The following EBF3 variants were observed in gnomAD, a reference collection of about 807,000 sequenced individuals.
EBF3 encodes the protein transcription factor COE3.
In EBF3, 18 loss-of-function variants were observed where a neutral mutation model predicts 77.1. The ratio of observed to expected loss-of-function variants is 0.23; its 90% CI spans 0.16 to 0.35. EBF3 has a LOEUF of 0.35. Ranked by LOEUF, EBF3 falls within the 10% of genes least tolerant of loss-of-function variation. The pLI is 1.00. For synonymous variants in EBF3, 350 were observed against 343.5 expected (o/e 1.02, Z -0.21); for missense variants, 558 against 860.0 (o/e 0.65, Z 4.39).
At chr10:129,902,155 G>A (rs180906732) in intron 6 of EBF3, among the ~76,000 whole-genome samples, 1 of 151,874 alleles carries the variant, frequency 6.6e-6, no homozygotes, top group Admixed American at 6.6e-5. Flanking sequence ...GCCACACTTA[G>A]TTCCCCACCA....
At position 129,885,985 on chromosome 10, in the gene EBF3, G is replaced by T. The variant is rs1853549829; in HGVS notation, c.555-8136C>A. The stretch of plus-strand genomic sequence containing the variant: ...ATCCTGATTCCTGATGGCTGGGGAG[G>T]TCATTCTCAAAATAAATGTGGGTGA... On this transcript the variant is annotated intron_variant, in intron 6 of 16. Transcript: ENST00000440978. This position sits in a 1 kb window ranked among gnomAD's most constrained non-coding sequence, Gnocchi z 4.0. Among the ~76,000 whole-genome samples, 1 of 151,602 alleles carries T rather than the reference G, an allele frequency of 6.6e-6. No homozygotes were observed. The highest frequency in any genetic ancestry group is 1.5e-5 in the Non-Finnish European group (1 of 67,944).
intron 11 of EBF3, among the ~76,000 whole-genome samples, chr10:129,844,034 C>G (rs1850280256): frequency 6.6e-6 from 1 of 152,194 alleles, no homozygotes. Context: ...CGGAGCTGAG[C>G]TTTTTAATAA....
chr10:129,856,993 C>T (rs1279128664), intron 10 of EBF3, among the ~76,000 whole-genome samples: 1 of 152,170 alleles, frequency 6.6e-6, no homozygotes, highest in Non-Finnish European at 1.5e-5. Context: ...AAGCACAGGG[C>T]TCCGCACAGG....
intron 6 of EBF3, among the ~76,000 whole-genome samples, chr10:129,933,551 C>T (rs180906272): frequency 3.9e-5 from 6 of 152,216 alleles, no homozygotes; most frequent in African/African-American, 7.2e-5. Flanking sequence ...CCTCGGAAGC[C>T]GCTGAGGCTC....
intron 5 of EBF3, among the ~76,000 whole-genome samples, 165 bp downstream of exon 5, chr10:129,958,769 C>T (rs1273505784): frequency 1.3e-5 from 2 of 152,150 alleles, no homozygotes; most frequent in Non-Finnish European, 2.9e-5. Flanking sequence ...GGGGAAGGAG[C>T]GCGGGCTCCT....
intron 7 of EBF3, among the ~76,000 whole-genome samples, chr10:129,875,647 C>G (rs1317277354): frequency 6.6e-6 from 1 of 152,272 alleles, no homozygotes; most frequent in Non-Finnish European, 1.5e-5. Flanking sequence ...GCAACAGTGT[C>G]AAGCCACCCA....
chr10:129,872,521 G>A (rs2182556), intron 8 of EBF3, among the ~76,000 whole-genome samples: 65,038 of 152,010 alleles, frequency 0.43, 15,341 homozygotes, highest in Non-Finnish European at 0.52. Flanking sequence ...TGTCTGCCTC[G>A]TGTGTGGCTC....
At chr10:129,882,263 G>T (rs547366713) in intron 6 of EBF3, among the ~76,000 whole-genome samples, 1 of 152,338 alleles carries the variant, frequency 6.6e-6, no homozygotes, top group Non-Finnish European at 1.5e-5. Context: ...AATTCTACAT[G>T]GGTATTGTGT....
intron 6 of EBF3, among the ~76,000 whole-genome samples, chr10:129,939,852 G>C (rs896735990): frequency 6.6e-6 from 1 of 152,222 alleles, no homozygotes; most frequent in African/African-American, 2.4e-5. Flanking sequence ...TTGCACTTAG[G>C]AGCAAAATCT....
At chr10:129,906,548 G>T (rs1855159374) in intron 6 of EBF3, among the ~76,000 whole-genome samples, 1 of 152,204 alleles carries the variant, frequency 6.6e-6, no homozygotes. Flanking sequence ...TGAGTCTAGG[G>T]AGAGGACAGT....
intron 6 of EBF3, among the ~76,000 whole-genome samples, chr10:129,949,660 T>C (rs1858510076): frequency 6.6e-6 from 1 of 152,138 alleles, no homozygotes; most frequent in South Asian, 2.1e-4. Context: ...CACCCTCGGA[T>C]GGCCCCAGCC....
chr10:129,843,683 A>G (rs2133960525), intron 11 of EBF3, among the ~76,000 whole-genome samples: 1 of 152,284 alleles, frequency 6.6e-6, no homozygotes, highest in African/African-American at 2.4e-5. Flanking sequence ...TCTCACCCCT[A>G]ATTCACGCCC....
chr10:129,881,019 TC>T (rs1853169315), intron 6 of EBF3, among the ~76,000 whole-genome samples: 1 of 152,212 alleles, frequency 6.6e-6, no homozygotes, highest in African/African-American at 2.4e-5. Context: ...GTAATTCTCA[TC>T]CTTTACTCAA....
intron 8 of EBF3, among the ~76,000 whole-genome samples, chr10:129,868,952 C>T (rs759645563): frequency 1.3e-5 from 2 of 152,260 alleles, no homozygotes; most frequent in Admixed American, 6.5e-5. Context: ...AGGACACTAT[C>T]CTCAGGACCC....
chr10:129,914,564 C>T (rs1390087445), intron 6 of EBF3, among the ~76,000 whole-genome samples: 3 of 152,164 alleles, frequency 2.0e-5, no homozygotes, highest in Non-Finnish European at 4.4e-5. Context: ...GGGCTTGGAA[C>T]GGGGCTGGTT....
chr10:129,951,129 T>C (rs1258263344), intron 6 of EBF3, among the ~76,000 whole-genome samples: 1 of 152,234 alleles, frequency 6.6e-6, no homozygotes, highest in Non-Finnish European at 1.5e-5. Flanking sequence ...CCTAAAGGCT[T>C]TGACGAGGCC....
In EBF3 at chr10:129,943,155, C is replaced by T. The variant is rs994877164; in HGVS notation, c.554+14103G>A. ...CAACTTCCTCCACATAAACAAGGCC[C>T]GCCAGAGCCAGAGAGCTGCCAGGCA... On this transcript the variant is annotated intron_variant, in intron 6 of 16. Coordinates refer to ENST00000440978, the MANE Select transcript of EBF3 (RefSeq NM_001375380.1). This position sits in a 1 kb window ranked among gnomAD's most constrained non-coding sequence, Gnocchi z 8.8. 6.6e-6 allele frequency among the ~76,000 whole-genome samples: 1 copy of T among 152,192 alleles called. No individual in the cohort carries two copies. The highest frequency in any genetic ancestry group is 1.9e-4 in the East Asian group (1 of 5,196).
intron 10 of EBF3, among the ~76,000 whole-genome samples, chr10:129,852,112 CAGTATCCAGAGCGGGTCATACAAATAG>C (rs1234914092): frequency 1.3e-5 from 2 of 152,158 alleles, no homozygotes; most frequent in Non-Finnish European, 1.5e-5. Flanking sequence ...ATATGCAGGC[CAGTATCCAGAGCGGGTCATACAAATAG>C]AGCCTGACAC....
chr10:129,913,789 G>C (rs1216057963), intron 6 of EBF3, among the ~76,000 whole-genome samples: 2 of 152,220 alleles, frequency 1.3e-5, no homozygotes, highest in Admixed American at 1.3e-4. Flanking sequence ...GGAAGGCCCC[G>C]TGCCAACCCT....
Sources: gnomAD v4.1 joint callset for allele counts (sites outside exome capture counted in the v4.1 genomes callset) on GRCh38, gnomAD v4.1.1 for gene constraint, Gnocchi (gnomAD v3.1) non-coding constraint, MANE v1.5 for transcripts, NCBI Gene and HGNC (gene_info 2026-07-23, HGNC 2026-07-21) for gene names.